AFAP1: variants seen among roughly 807,000 people sequenced by gnomAD.
The protein encoded by AFAP1 is actin filament associated protein 1.
A neutral mutation model predicts 93.9 loss-of-function variants in AFAP1; 75 were observed. The ratio of observed to expected loss-of-function variants is 0.80; its 90% CI spans 0.66 to 0.97. The LOEUF is 0.97. AFAP1 is among the 50% of genes least tolerant of loss of function. AFAP1 has a pLI of 0.00. For synonymous variants in AFAP1, 517 were observed against 430.7 expected (o/e 1.20, Z -2.48); for missense variants, 1,201 against 1,050.8 (o/e 1.14, Z -1.98).
chr4:7,778,964 A>C, intron 13 of AFAP1, 88 bp from the exon 14 acceptor site: 1 of 1,007,592 alleles, frequency 9.9e-7, no homozygotes, highest in East Asian at 2.4e-5. Context: ...CATTTCTTTC[A>C]GTCTCTAAGT....
intron 1 of AFAP1, among the ~76,000 whole-genome samples, chr4:7,891,507 C>T (rs1245537237): frequency 6.6e-6 from 1 of 151,998 alleles, no homozygotes; most frequent in Non-Finnish European, 1.5e-5. Flanking sequence ...TACACAACAG[C>T]ATTAAACTTA....
At chr4:7,928,554 AT>A (rs1720898870) in intron 1 of AFAP1, among the ~76,000 whole-genome samples, 1 of 151,986 alleles carries the variant, frequency 6.6e-6, no homozygotes, top group Non-Finnish European at 1.5e-5. Flanking sequence ...CACCCAGCTA[AT>A]TTTTGTGTTT....
Position 7,800,598 on chromosome 4 carries a change from T to G in AFAP1, c.1110A>C (p.Lys370Asn), listed in dbSNP as rs1378330816. The stretch of plus-strand genomic sequence containing the variant: ...CCTTGTGGAAAATGAGCTTGTTATC[T>G]TTCACTCGGCACCAGCGCTCTCGCC... Reference protein sequence around the residue: ...SRWRERWCRVKDNKLIFHKDR... With the variant: ...SRWRERWCRVNDNKLIFHKDR... The change falls in exon 10 of 18, where the codon AAA becomes AAC. Residue 370 changes from lysine (K) to asparagine (N), a missense_variant. Coordinates refer to ENST00000420658, the MANE Select transcript of AFAP1 (RefSeq NM_001134647.2). The G allele has an allele frequency of 1.2e-6, 2 of 1,614,078 alleles. No homozygotes were observed. The highest frequency in any genetic ancestry group is 2.7e-5 in the African/African-American group (2 of 74,918).
chr4:7,898,270 T>C (rs1235287553), intron 1 of AFAP1, among the ~76,000 whole-genome samples: 12 of 152,090 alleles, frequency 7.9e-5, no homozygotes, highest in Admixed American at 7.2e-4. Context: ...TAGCCGAGCA[T>C]GGTGGTAGGC....
intron 14 of AFAP1, chr4:7,775,852 G>A (rs565791513): frequency 4.6e-5 from 7 of 152,180 alleles, no homozygotes; most frequent in African/African-American, 1.2e-4. Context: ...AAACACAAAT[G>A]GGCAACACAT....
At chr4:7,918,970 A>AACAGGGCTGCGGAT (rs1560236343) in intron 1 of AFAP1, among the ~76,000 whole-genome samples, 11 of 86,760 alleles carry the variant, frequency 1.3e-4, no homozygotes, top group East Asian at 4.5e-4. Context: ...GGCTGTTGGA[A>AACAGGGCTGCGGAT]GAGACACTCG....
intron 3 of AFAP1, among the ~76,000 whole-genome samples, chr4:7,864,289 T>C (rs1468797100): frequency 1.3e-5 from 2 of 152,210 alleles, no homozygotes; most frequent in Non-Finnish European, 2.9e-5. Flanking sequence ...CTGGCTGTTT[T>C]TCTGGCTTTT....
chr4:7,797,475 T>C (rs1718539981), intron 10 of AFAP1, among the ~76,000 whole-genome samples: 1 of 152,214 alleles, frequency 6.6e-6, no homozygotes, highest in Non-Finnish European at 1.5e-5. Context: ...GCCACCTCCA[T>C]GGGCTCCCGC....
At chr4:7,888,417 G>A (rs1560221153) in intron 1 of AFAP1, among the ~76,000 whole-genome samples, 1 of 152,198 alleles carries the variant, frequency 6.6e-6, no homozygotes, top group Non-Finnish European at 1.5e-5. Flanking sequence ...TCAGTAAGGA[G>A]AGAGGGGACA....
chr4:7,809,219 C>T (rs1395404771), intron 9 of AFAP1, among the ~76,000 whole-genome samples: 1 of 151,706 alleles, frequency 6.6e-6, no homozygotes, highest in Non-Finnish European at 1.5e-5. Context: ...ACTCCCCCCA[C>T]CCCACTTAGT....
At chr4:7,821,385 T>C (rs1720959768) in intron 6 of AFAP1, among the ~76,000 whole-genome samples, 2 of 152,288 alleles carry the variant, frequency 1.3e-5, no homozygotes, top group South Asian at 2.1e-4. Flanking sequence ...CAGAAAATGA[T>C]TCTGGACTAG....
chr4:7,806,855 C>T (rs192108388), intron 9 of AFAP1, among the ~76,000 whole-genome samples: 17 of 152,290 alleles, frequency 1.1e-4, no homozygotes, highest in Admixed American at 5.9e-4. Context: ...GCTCCCTGAG[C>T]GACCAACTGT....
chr4:7,890,016 A>G (rs1203706414), intron 1 of AFAP1, among the ~76,000 whole-genome samples: 1 of 150,690 alleles, frequency 6.6e-6, no homozygotes, highest in Non-Finnish European at 1.5e-5. Context: ...AAAAAAAAAA[A>G]AAAAAAAAGA....
chr4:7,763,499 C>G lies in AFAP1; in HGVS notation c.*266G>C, dbSNP rs1471494030. 14 of 510,754 alleles carry G rather than the reference C, an allele frequency of 2.7e-5. No homozygotes were observed. The Admixed American group carries it at 4.5e-4, about 16-fold the overall frequency. 31.6% of individuals were successfully genotyped at this position (510,754 alleles called of 1,614,324 possible). ...AGAAAGATGTCACTTCGCCTGATAG[C>G]ATCCTTTCAAACACCTTTCCATCAC... On this transcript the variant is annotated 3_prime_UTR_variant, in exon 18 of 18. Transcript: ENST00000420658.
At chr4:7,898,203 A>C (rs1718898248) in intron 1 of AFAP1, among the ~76,000 whole-genome samples, 1 of 152,124 alleles carries the variant, frequency 6.6e-6, no homozygotes, top group Non-Finnish European at 1.5e-5. Context: ...AGAGGTCAGG[A>C]GTTCGAGACC....
chr4:7,770,192 C>A (rs1715224009), intron 16 of AFAP1, among the ~76,000 whole-genome samples: 1 of 152,130 alleles, frequency 6.6e-6, no homozygotes, highest in Non-Finnish European at 1.5e-5. Flanking sequence ...GCAAGCCAGG[C>A]GTGGGCCCCC....
At chr4:7,839,463 T>C (rs1386692199) in intron 5 of AFAP1, among the ~76,000 whole-genome samples, 1 of 152,012 alleles carries the variant, frequency 6.6e-6, no homozygotes, top group African/African-American at 2.4e-5. Context: ...AAATATACTA[T>C]TAGATTTGTT....
rs534158512 is a variant in AFAP1 at position 7,904,504 on chromosome 4, G to A, written c.-2-32424C>T. 1.1e-4 allele frequency among the ~76,000 whole-genome samples: 16 copies of A among 152,234 alleles called. No homozygotes were observed. In the South Asian group the frequency reaches 3.1e-3, roughly 30 times the overall value. On this transcript the variant is annotated intron_variant, in intron 1 of 17. Transcript: ENST00000420658. ...ATAACATTTAGTGTGCACTCACGAG[G>A]TGCCAGGCTCTGAGTTTTATCTCGT...
chr4:7,801,371 C>A (rs747213742), intron 9 of AFAP1, among the ~76,000 whole-genome samples: 21 of 151,952 alleles, frequency 1.4e-4, no homozygotes, highest in Non-Finnish European at 2.5e-4. Context: ...TATGGCACAA[C>A]ATCTTCAGTA....
Sources: gnomAD v4.1 joint callset for allele counts (sites outside exome capture counted in the v4.1 genomes callset) on GRCh38, gnomAD v4.1.1 for gene constraint, MANE v1.5 for transcripts, NCBI Gene and HGNC (gene_info 2026-07-23, HGNC 2026-07-21) for gene names.